SSH2: variants seen among roughly 807,000 people sequenced by gnomAD.
SSH2 encodes slingshot protein phosphatase 2, also known as protein phosphatase Slingshot homolog 2.
SSH2 carries 37 observed loss-of-function variants against 135.2 expected under a neutral mutation model. That is an observed-to-expected ratio of 0.27 (90% CI 0.21 to 0.36). The LOEUF (loss-of-function observed/expected upper bound fraction) is 0.36, where lower values mean the gene tolerates loss of function less well. Ranked by LOEUF, SSH2 falls within the 10% of genes least tolerant of loss-of-function variation. The pLI is 1.00. For synonymous variants in SSH2, 628 were observed against 646.2 expected (o/e 0.97, Z 0.43); for missense variants, 1,408 against 1,765.3 (o/e 0.80, Z 3.63).
At chr17:29,919,688 A>G (rs538164596) in intron 1 of SSH2, among the ~76,000 whole-genome samples, 5 of 147,776 alleles carry the variant, frequency 3.4e-5, no homozygotes, top group Admixed American at 1.3e-4. Flanking sequence ...CAAGAATTAC[A>G]CTTTTTTTTT....
At chr17:29,848,140 C>T (rs1025624658) in intron 2 of SSH2, among the ~76,000 whole-genome samples, 2 of 152,326 alleles carry the variant, frequency 1.3e-5, no homozygotes, top group Middle Eastern at 3.4e-3. Flanking sequence ...TGCATCACTA[C>T]TAGGCCATTC....
At chr17:29,653,443 G>T (rs1322682886) in intron 12 of SSH2, among the ~76,000 whole-genome samples, 1 of 152,142 alleles carries the variant, frequency 6.6e-6, no homozygotes, top group African/African-American at 2.4e-5. Flanking sequence ...AGAAGCAAAT[G>T]ATATGATGGG....
intron 2 of SSH2, among the ~76,000 whole-genome samples, chr17:29,800,766 T>G (rs1444850426): frequency 6.6e-6 from 1 of 151,922 alleles, no homozygotes; most frequent in African/African-American, 2.4e-5. Flanking sequence ...TTAAAGAGTA[T>G]AATTACTTCT....
chr17:29,688,329 T>C (rs775129181), intron 5 of SSH2, among the ~76,000 whole-genome samples: 2 of 152,018 alleles, frequency 1.3e-5, no homozygotes, highest in Non-Finnish European at 2.9e-5. Flanking sequence ...TTAAAGTTTA[T>C]TTTATAATAT....
At chr17:29,759,261 C>T (rs1387506293) in intron 3 of SSH2, among the ~76,000 whole-genome samples, 1 of 151,794 alleles carries the variant, frequency 6.6e-6, no homozygotes, top group Non-Finnish European at 1.5e-5. Context: ...GTCTCCAATT[C>T]CTGGGCTCAA....
At chr17:29,642,374 T>C (rs2036198240) in intron 14 of SSH2, among the ~76,000 whole-genome samples, 1 of 152,172 alleles carries the variant, frequency 6.6e-6, no homozygotes, top group African/African-American at 2.4e-5. Flanking sequence ...CCCAGGTTTT[T>C]TTCCTTGCCC....
chr17:29,712,003 G>A (rs887604494), intron 3 of SSH2, among the ~76,000 whole-genome samples: 1 of 152,172 alleles, frequency 6.6e-6, no homozygotes, highest in Non-Finnish European at 1.5e-5. Context: ...CAATGTGGTC[G>A]GGGCACAGCT....
At position 29,627,459 on chromosome 17, in the gene SSH2, TCA is replaced by T. The variant is rs2035532528; in HGVS notation, c.*3380_*3381del. 6.6e-6 allele frequency: 1 copy of T among 152,384 alleles called. No individual in the cohort carries two copies. Among genetic ancestry groups the T allele is most frequent in the African/African-American group, 2.4e-5 (1 of 41,436 alleles). 9.4% of individuals were successfully genotyped at this position (152,384 alleles called of 1,614,324 possible). On this transcript the variant is annotated 3_prime_UTR_variant, in exon 16 of 16. Coordinates refer to ENST00000540801, the MANE Select transcript of SSH2 (RefSeq NM_001282129.2). ...GTCTGGGGCCTGTGAGCAGAGTACC[TCA>T]GAGCCTGAGGCACTGAGATCTTCAG...
At chr17:29,742,100 A>C (rs2040579146) in intron 3 of SSH2, among the ~76,000 whole-genome samples, 1 of 151,274 alleles carries the variant, frequency 6.6e-6, no homozygotes, top group South Asian at 2.1e-4. Context: ...ATGTCCGATT[A>C]ATTTTTTGTA....
intron 1 of SSH2, among the ~76,000 whole-genome samples, chr17:29,869,253 C>A (rs944761549): frequency 5.3e-5 from 8 of 152,094 alleles, no homozygotes; most frequent in Non-Finnish European, 5.9e-5. Flanking sequence ...TGAGAAACTC[C>A]CAAAAGCTAA....
intron 4 of SSH2, among the ~76,000 whole-genome samples, chr17:29,698,927 T>C (rs2038870043): frequency 6.6e-6 from 1 of 152,180 alleles, no homozygotes; most frequent in African/African-American, 2.4e-5. Flanking sequence ...CAAACACTAC[T>C]GGCCCAAAGA....
At chr17:29,701,056 C>T (rs1387738564) in intron 4 of SSH2, among the ~76,000 whole-genome samples, 5 of 151,888 alleles carry the variant, frequency 3.3e-5, no homozygotes, top group African/African-American at 4.8e-5. Flanking sequence ...CTGCAAGCTC[C>T]GCCTCCCGGG....
chr17:29,630,572 A>G lies in SSH2; in HGVS notation c.*269T>C. On this transcript the variant is annotated 3_prime_UTR_variant, in exon 16 of 16. Coordinates refer to ENST00000540801, the MANE Select transcript of SSH2 (RefSeq NM_001282129.2). ...ACTGAAAAACAGCAATTTGCCTTTG[A>G]TAAAGGTGTTCTCTGAAAATGACTT... 1 of 258,604 alleles carries G rather than the reference A, an allele frequency of 3.9e-6. No individual in the cohort carries two copies. The highest frequency in any genetic ancestry group is 7.2e-6 in the Non-Finnish European group (1 of 138,192). The allele number at this position is 258,604 out of a possible 1,614,324, so 16.0% of individuals were successfully genotyped here.
intron 12 of SSH2, among the ~76,000 whole-genome samples, chr17:29,654,306 G>GT (rs1383993948): frequency 6.6e-6 from 1 of 152,152 alleles, no homozygotes; most frequent in Non-Finnish European, 1.5e-5. Flanking sequence ...AGTTTTCCAA[G>GT]TTTTATTTAA....
At chr17:29,722,912 C>G (rs2039869636) in intron 3 of SSH2, among the ~76,000 whole-genome samples, 1 of 152,166 alleles carries the variant, frequency 6.6e-6, no homozygotes. Flanking sequence ...GTGAAGAAAC[C>G]AACAATCCGA....
chr17:29,762,161 G>C (rs1479555409), intron 3 of SSH2, among the ~76,000 whole-genome samples: 1 of 151,422 alleles, frequency 6.6e-6, no homozygotes, highest in Non-Finnish European at 1.5e-5. Flanking sequence ...GATTACAGGC[G>C]TGAGCCAGGG....
At chr17:29,850,005 G>A (rs1023073765) in intron 1 of SSH2, among the ~76,000 whole-genome samples, 1 of 144,132 alleles carries the variant, frequency 6.9e-6, no homozygotes, top group Non-Finnish European at 1.5e-5. Flanking sequence ...ACTCCAGCCT[G>A]GGTGACAGTG....
At chr17:29,792,524 C>T (rs1476976451) in intron 3 of SSH2, among the ~76,000 whole-genome samples, 4 of 151,952 alleles carry the variant, frequency 2.6e-5, no homozygotes, top group Non-Finnish European at 5.9e-5. Context: ...AGCCTTAAGC[C>T]CACAATTTAT....
At chr17:29,907,367 G>A (rs937731624) in intron 1 of SSH2, among the ~76,000 whole-genome samples, 22 of 151,974 alleles carry the variant, frequency 1.4e-4, no homozygotes, top group South Asian at 2.1e-4. Flanking sequence ...GGAGTGGGGG[G>A]AGGGAGAACA....
Sources: gnomAD v4.1 joint callset for allele counts (sites outside exome capture counted in the v4.1 genomes callset) on GRCh38, gnomAD v4.1.1 for gene constraint, MANE v1.5 for transcripts, NCBI Gene and HGNC (gene_info 2026-07-23, HGNC 2026-07-21) for gene names.